The following APC variants were observed in gnomAD, a reference collection of about 807,000 sequenced individuals.
APC encodes the protein APC regulator of Wnt signaling pathway, also known as adenomatous polyposis coli protein.
APC carries 72 observed loss-of-function variants against 247.0 expected under a neutral mutation model. The ratio of observed to expected loss-of-function variants is 0.29; its 90% CI spans 0.24 to 0.35. The LOEUF (loss-of-function observed/expected upper bound fraction) is 0.35, where lower values mean the gene tolerates loss of function less well. APC is among the 10% of genes least tolerant of loss of function. The pLI, the probability that APC is intolerant of heterozygous loss-of-function variation, is 1.00. For missense variants in APC, 3,400 were observed against 3,360.7 expected, an observed-to-expected ratio of 1.01 and a Z score of -0.29; for synonymous variants, 1,254 against 1,162.5, an observed-to-expected ratio of 1.08 and a Z score of -1.60.
intron 6 of APC, among the ~76,000 whole-genome samples, chr5:112,782,875 A>G (rs986405365): frequency 6.6e-6 from 1 of 152,202 alleles, no homozygotes; most frequent in African/African-American, 2.4e-5. Context: ...ATAACTGGCA[A>G]AGAACTAAAA....
chr5:112,747,774 T>C (rs1753854043), intron 1 of APC, among the ~76,000 whole-genome samples: 1 of 152,196 alleles, frequency 6.6e-6, no homozygotes. Context: ...ATTCTAAGAC[T>C]TCCTAGTTCT....
intron 14 of APC, among the ~76,000 whole-genome samples, chr5:112,832,264 A>G (rs929170764): frequency 6.6e-6 from 1 of 151,986 alleles, no homozygotes; most frequent in Non-Finnish European, 1.5e-5. Flanking sequence ...GGCCAGTTGC[A>G]TCTTAATTCA....
At position 112,760,971 on chromosome 5, in the gene APC, G is replaced by T. The variant is rs562327666; in HGVS notation, c.136-5355G>T. Among the ~76,000 whole-genome samples the T allele has an allele frequency of 3.9e-3, 591 of 152,206 alleles. 4 individuals are homozygous for T. Among genetic ancestry groups the T allele is most frequent in the Non-Finnish European group, 2.1e-3 (140 of 68,014 alleles). On this transcript the variant is annotated intron_variant, in intron 2 of 15. Transcript: ENST00000257430. The stretch of plus-strand genomic sequence containing the variant: ...ACTACAGGCACCTGCCACCATGCCT[G>T]GCTAATTTTTTGTATTTTTAGTAGA...
chr5:112,820,937 C>G (rs146614811), intron 10 of APC, among the ~76,000 whole-genome samples: 2 of 152,110 alleles, frequency 1.3e-5, no homozygotes, highest in Non-Finnish European at 2.9e-5. Context: ...TCACAGTTCA[C>G]TGCAGCCTCA....
Position 112,834,959 on chromosome 5 carries a change from C to T in APC, c.1752C>T (p.Thr584=), listed in dbSNP as rs1580603181. ...ECALEVKKES[T]LKSVLSALWN... is the part of the protein sequence containing the mutation. ...ATTCTGTTTCTTACTAGGAATCAAC[C>T]CTCAAAAGCGTATTGAGTGCCTTAT... The change falls in exon 15 of 16, where the codon ACC becomes ACT. Residue 584 remains threonine (T), a synonymous_variant. Transcript: ENST00000257430. 1.2e-6 allele frequency: 2 copies of T among 1,613,760 alleles called. No individual in the cohort carries two copies. The highest frequency in any genetic ancestry group is 4.5e-5 in the East Asian group (2 of 44,880).
rs786204178 is a variant in APC, at chr5:112,827,968, G to T, written c.1588G>T (p.Val530Leu). The change falls in exon 13 of 16, where the codon GTG becomes TTG. Residue 530 changes from valine (V) to leucine (L), a missense_variant. Transcript: ENST00000257430. ...TATGAAAGGCTGCATGAGAGCACTT[G>T]TGGCCCAACTAAAATCTGAAAGTGA... Reference protein sequence around the residue: ...CSMKGCMRALVAQLKSESEDL... With the variant: ...CSMKGCMRALLAQLKSESEDL... 6.2e-7 allele frequency: 1 copy of T among 1,613,284 alleles called. No homozygotes were observed. Among genetic ancestry groups the T allele is most frequent in the Non-Finnish European group, 8.5e-7 (1 of 1,179,944 alleles).
At chr5:112,730,595 A>G (rs893474004) in intron 1 of APC, among the ~76,000 whole-genome samples, 2 of 152,238 alleles carry the variant, frequency 1.3e-5, no homozygotes, top group South Asian at 4.1e-4. Flanking sequence ...CATATTTATC[A>G]TGAAACTGAT....
At chr5:112,741,512 C>T (rs372243659) in intron 1 of APC, among the ~76,000 whole-genome samples, 1 of 152,130 alleles carries the variant, frequency 6.6e-6, no homozygotes, top group African/African-American at 2.4e-5. Flanking sequence ...ACACCCTGCA[C>T]CCACTCTTCT....
intron 2 of APC, among the ~76,000 whole-genome samples, chr5:112,757,312 A>C (rs1009072423): frequency 7.2e-5 from 11 of 152,224 alleles, no homozygotes; most frequent in African/African-American, 2.6e-4. Flanking sequence ...AACCATTGGC[A>C]CTTCCTACTG....
chr5:112,783,857 A>C lies in APC; in HGVS notation c.645+2954A>C, dbSNP rs528071554. On this transcript the variant is annotated intron_variant, in intron 6 of 15. Coordinates refer to ENST00000257430, the MANE Select transcript of APC (RefSeq NM_000038.6). ...AGCAAAATAGTCAGAAGATGTGAATAGTTCCATCAGAAAATTAAGTTCAAG... is the reference window on the plus strand; with the variant it reads ...AGCAAAATAGTCAGAAGATGTGAATCGTTCCATCAGAAAATTAAGTTCAAG... 186 of 315,466 alleles carry C rather than the reference A, an allele frequency of 5.9e-4. 1 individual carries two copies. The highest frequency in any genetic ancestry group is 4.8e-3 in the South Asian group (179 of 37,480). The allele number at this position is 315,466 out of a possible 1,614,324, so 19.5% of individuals were successfully genotyped here.
At chr5:112,762,282 A>G (rs1755759690) in intron 2 of APC, among the ~76,000 whole-genome samples, 1 of 152,242 alleles carries the variant, frequency 6.6e-6, no homozygotes. Context: ...ATTAAAAACC[A>G]TTTTGGCAGT....
intron 5 of APC, 46 bp downstream of exon 5, chr5:112,775,783 A>G (rs1203609433): frequency 2.8e-6 from 3 of 1,083,666 alleles, no homozygotes; most frequent in Non-Finnish European, 4.2e-6. Context: ...TAATAACTTG[A>G]TATTTTAAAG....
intron 8 of APC, 144 bp from the exon 9 acceptor site, chr5:112,815,351 T>C: frequency 1.7e-6 from 1 of 585,190 alleles, no homozygotes; most frequent in Non-Finnish European, 3.1e-6. Flanking sequence ...GTAAAAAATA[T>C]TTTGAACAGT....
chr5:112,812,730 A>C (rs1325321296), intron 8 of APC, among the ~76,000 whole-genome samples: 1 of 152,106 alleles, frequency 6.6e-6, no homozygotes, highest in Admixed American at 6.5e-5. Context: ...TCAGCTCCTC[A>C]TCTAGATTGT....
chr5:112,803,628 C>T (rs1466936699), intron 8 of APC, among the ~76,000 whole-genome samples: 1 of 152,140 alleles, frequency 6.6e-6, no homozygotes, highest in Non-Finnish European at 1.5e-5. Context: ...TAAAAGGTAA[C>T]CGATTCTGTT....
At chr5:112,718,570 A>C (rs1450812644) in intron 1 of APC, among the ~76,000 whole-genome samples, 1 of 152,230 alleles carries the variant, frequency 6.6e-6, no homozygotes, top group Admixed American at 6.5e-5. Context: ...ACAAACAACC[A>C]AGCTCAGCCT....
rs757585399 is a variant in APC, at chr5:112,837,778, T to C, written c.2184T>C (p.Asn728=). 1 of 1,614,060 alleles carries C rather than the reference T, an allele frequency of 6.2e-7. No homozygotes were observed. The highest frequency in any genetic ancestry group is 8.5e-7 in the Non-Finnish European group (1 of 1,180,032). The change falls in exon 16 of 16, where the codon AAT becomes AAC. Residue 728 remains asparagine (N), a synonymous_variant. Coordinates refer to ENST00000257430, the MANE Select transcript of APC (RefSeq NM_000038.6). ...IAMGSAAALR[N]LMANRPAKYK... ...TGGGAAGTGCTGCAGCTTTAAGGAA[T>C]CTCATGGCAAATAGGCCTGCGAAGT...
At chr5:112,782,503 G>C (rs1290483810) in intron 6 of APC, among the ~76,000 whole-genome samples, 4 of 152,148 alleles carry the variant, frequency 2.6e-5, no homozygotes, top group Non-Finnish European at 4.4e-5. Context: ...TCATAGTGAA[G>C]GTTAAGATCA....
At chr5:112,798,282 G>A (rs1461022963) in intron 7 of APC, among the ~76,000 whole-genome samples, 1 of 152,164 alleles carries the variant, frequency 6.6e-6, no homozygotes, top group Non-Finnish European at 1.5e-5. Context: ...TTTATAACAT[G>A]GATGAACCTC....
Sources: gnomAD v4.1 joint callset for allele counts (sites outside exome capture counted in the v4.1 genomes callset) on GRCh38, gnomAD v4.1.1 for gene constraint, MANE v1.5 for transcripts, NCBI Gene and HGNC (gene_info 2026-07-23, HGNC 2026-07-21) for gene names.